The following CTNND2 variants were observed in gnomAD, a reference collection of about 807,000 sequenced individuals.
CTNND2 encodes the protein catenin delta 2.
Under a neutral mutation model 144.4 loss-of-function variants are expected in CTNND2, and 22 were observed. The ratio of observed to expected loss-of-function variants is 0.15; its 90% CI spans 0.11 to 0.22. The LOEUF (loss-of-function observed/expected upper bound fraction) is 0.22, where lower values mean the gene tolerates loss of function less well. Among genes scored for constraint, CTNND2 ranks in the 10% least tolerant of loss-of-function variants. The pLI is 1.00. For synonymous variants in CTNND2, 751 were observed against 695.6 expected, an observed-to-expected ratio of 1.08 and a Z score of -1.25; for missense variants, 1,353 against 1,618.8, an observed-to-expected ratio of 0.84 and a Z score of 2.82.
At chr5:11,540,798 T>A (rs1475808242) in intron 3 of CTNND2, among the ~76,000 whole-genome samples, 2 of 152,200 alleles carry the variant, frequency 1.3e-5, no homozygotes, top group Non-Finnish European at 2.9e-5. Context: ...ACATAGTTTT[T>A]TCCTACTGGT....
intron 2 of CTNND2, among the ~76,000 whole-genome samples, chr5:11,597,575 G>A (rs1180749463): frequency 6.6e-6 from 1 of 152,078 alleles, no homozygotes; most frequent in Non-Finnish European, 1.5e-5. Flanking sequence ...TCCGAATTAG[G>A]GAATATTCTT....
At chr5:11,636,384 C>T (rs1450775022) in intron 2 of CTNND2, among the ~76,000 whole-genome samples, 3 of 152,136 alleles carry the variant, frequency 2.0e-5, no homozygotes, top group Non-Finnish European at 4.4e-5. Flanking sequence ...TGAAAGAATA[C>T]AGCGCTTTGT....
chr5:11,702,653 C>T (rs1785507005), intron 2 of CTNND2, among the ~76,000 whole-genome samples: 1 of 152,200 alleles, frequency 6.6e-6, no homozygotes, highest in Non-Finnish European at 1.5e-5. Flanking sequence ...TACACCGGAT[C>T]CTAGGGTGGA....
chr5:11,696,785 C>T (rs973660851), intron 2 of CTNND2, among the ~76,000 whole-genome samples: 2 of 152,152 alleles, frequency 1.3e-5, no homozygotes, highest in Non-Finnish European at 2.9e-5. Flanking sequence ...GTATGAACAA[C>T]CAGTAATTAG....
rs147832632 is a variant in CTNND2 at position 11,859,720 on chromosome 5, T to A, written c.37+44097A>T. Among the ~76,000 whole-genome samples, 772 of 152,306 alleles carry A rather than the reference T, an allele frequency of 5.1e-3. 5 individuals carry two copies. Among genetic ancestry groups the A allele is most frequent in the African/African-American group, 0.018 (734 of 41,562 alleles). ...ACCTCACACAACATTAGCCTTTGTC[T>A]CAATACTCTCTCTTCCAGATCCTGC... On this transcript the variant is annotated intron_variant, in intron 1 of 21. Coordinates refer to ENST00000304623, the MANE Select transcript of CTNND2 (RefSeq NM_001332.4).
chr5:11,890,647 A>G (rs751337645), intron 1 of CTNND2, among the ~76,000 whole-genome samples: 2 of 152,214 alleles, frequency 1.3e-5, no homozygotes, highest in Non-Finnish European at 2.9e-5. Context: ...GATCAATTTT[A>G]AAGTCATTTT....
chr5:11,702,280 G>C (rs543643530), intron 2 of CTNND2, among the ~76,000 whole-genome samples: 3 of 152,284 alleles, frequency 2.0e-5, no homozygotes, highest in East Asian at 3.9e-4. Flanking sequence ...AGCTGATACA[G>C]CTGTCAAGGT....
intron 8 of CTNND2, among the ~76,000 whole-genome samples, chr5:11,357,491 T>C (rs1169861766): frequency 2.6e-5 from 4 of 152,056 alleles, no homozygotes; most frequent in East Asian, 3.9e-4. Flanking sequence ...GCTGATATCA[T>C]AGAAGCAGAG....
chr5:11,239,283 G>A (rs949005333), intron 9 of CTNND2, among the ~76,000 whole-genome samples: 9 of 152,266 alleles, frequency 5.9e-5, no homozygotes, highest in Admixed American at 5.2e-4. Flanking sequence ...CTGTGCACAT[G>A]TGCTTGCACA....
At chr5:11,665,372 T>C (rs1206533348) in intron 2 of CTNND2, among the ~76,000 whole-genome samples, 1 of 152,186 alleles carries the variant, frequency 6.6e-6, no homozygotes, top group Non-Finnish European at 1.5e-5. Flanking sequence ...CTGGTTTATA[T>C]AAGTGGTTCT....
chr5:11,429,367 A>T (rs948786137), intron 3 of CTNND2, among the ~76,000 whole-genome samples: 1 of 152,200 alleles, frequency 6.6e-6, no homozygotes, highest in Non-Finnish European at 1.5e-5. Flanking sequence ...AATTATAAAA[A>T]GATAAATCAG....
intron 12 of CTNND2, among the ~76,000 whole-genome samples, chr5:11,127,040 C>G (rs1253549152): frequency 6.6e-6 from 1 of 152,230 alleles, no homozygotes; most frequent in East Asian, 1.9e-4. Context: ...CACATCCGTG[C>G]AGGGGTGGGG....
intron 3 of CTNND2, chr5:11,508,460 G>A (rs973839486): frequency 8.6e-5 from 13 of 152,038 alleles, no homozygotes; most frequent in African/African-American, 2.4e-4. Flanking sequence ...TAATGCAAAC[G>A]AGAAAATTCA....
At chr5:11,823,416 A>T (rs977691889) in intron 1 of CTNND2, among the ~76,000 whole-genome samples, 5 of 152,178 alleles carry the variant, frequency 3.3e-5, no homozygotes, top group Non-Finnish European at 7.4e-5. Flanking sequence ...ATGTCTCAGT[A>T]TTTATTTTTT....
At chr5:11,069,435 T>A (rs551000227) in intron 16 of CTNND2, among the ~76,000 whole-genome samples, 1 of 152,248 alleles carries the variant, frequency 6.6e-6, no homozygotes, top group African/African-American at 2.4e-5. Flanking sequence ...ATGGCTGCCA[T>A]GAGCCATCTA....
intron 16 of CTNND2, among the ~76,000 whole-genome samples, chr5:11,065,381 T>C (rs938365496): frequency 2.6e-5 from 4 of 152,258 alleles, no homozygotes; most frequent in Non-Finnish European, 5.9e-5. Context: ...GTCACACATA[T>C]GTGTATACTT....
chr5:11,596,712 A>C (rs1779520028), intron 2 of CTNND2, among the ~76,000 whole-genome samples: 1 of 152,118 alleles, frequency 6.6e-6, no homozygotes, highest in Non-Finnish European at 1.5e-5. Context: ...TTAACTTCCT[A>C]CAGCCTTGGG....
intron 11 of CTNND2, among the ~76,000 whole-genome samples, chr5:11,179,074 A>G (rs1335548497): frequency 1.3e-5 from 2 of 152,194 alleles, no homozygotes; most frequent in Non-Finnish European, 2.9e-5. Flanking sequence ...AGTTGCCTAC[A>G]GTCTCTTGGA....
intron 16 of CTNND2, among the ~76,000 whole-genome samples, chr5:11,051,728 TCCA>T (rs1745848547): frequency 6.6e-6 from 1 of 152,206 alleles, no homozygotes; most frequent in Non-Finnish European, 1.5e-5. Flanking sequence ...AGCATGAATA[TCCA>T]CCAACTATTC....
Sources: gnomAD v4.1 joint callset for allele counts (sites outside exome capture counted in the v4.1 genomes callset) on GRCh38, gnomAD v4.1.1 for gene constraint, MANE v1.5 for transcripts, NCBI Gene and HGNC (gene_info 2026-07-23, HGNC 2026-07-21) for gene names.